Variants in RGS7 observed in about 807,000 individuals in gnomAD.
The protein encoded by RGS7 is regulator of G-protein signaling 7.
A neutral mutation model predicts 81.1 loss-of-function variants in RGS7; 27 were observed. The ratio of observed to expected loss-of-function variants is 0.33; its 90% confidence interval spans 0.25 to 0.46. The LOEUF is 0.46. Ranked by LOEUF, RGS7 falls within the 20% of genes least tolerant of loss-of-function variation. The pLI, the probability that RGS7 is intolerant of heterozygous loss-of-function variation, is 1.00. For synonymous variants in RGS7, 208 were observed against 207.7 expected, an observed-to-expected ratio of 1.00 and a Z score of -0.01; for missense variants, 396 against 607.4, an observed-to-expected ratio of 0.65 and a Z score of 3.66.
intron 2 of RGS7, among the ~76,000 whole-genome samples, chr1:241,194,397 T>C (rs955193186): frequency 1.3e-5 from 2 of 152,186 alleles, no homozygotes; most frequent in Non-Finnish European, 2.9e-5. Flanking sequence ...TTATGAAGCC[T>C]AACAACTGGT....
intron 2 of RGS7, among the ~76,000 whole-genome samples, chr1:241,122,695 T>G (rs1322781887): frequency 1.3e-5 from 2 of 150,830 alleles, no homozygotes; most frequent in African/African-American, 4.9e-5. Flanking sequence ...ACACCTAACC[T>G]ACCGAACATC....
intron 2 of RGS7, among the ~76,000 whole-genome samples, chr1:241,196,991 T>TAAAA (rs34557484): frequency 1.5e-5 from 2 of 132,590 alleles, no homozygotes; most frequent in African/African-American, 2.9e-5. Flanking sequence ...CAAAAGAATG[T>TAAAA]AAAAAAAAAA....
intron 9 of RGS7, among the ~76,000 whole-genome samples, chr1:240,846,237 A>G (rs1196889325): frequency 6.6e-6 from 1 of 152,164 alleles, no homozygotes; most frequent in Non-Finnish European, 1.5e-5. Context: ...CATAAAAAGT[A>G]CTTTCATGTT....
intron 9 of RGS7, among the ~76,000 whole-genome samples, chr1:240,850,056 T>C (rs1050573461): frequency 5.3e-5 from 8 of 152,262 alleles, no homozygotes; most frequent in African/African-American, 1.9e-4. Context: ...TTAGTACTTG[T>C]GGAACTTTGC....
chr1:240,810,049 T>G (rs1052172765), intron 14 of RGS7, among the ~76,000 whole-genome samples: 1 of 152,154 alleles, frequency 6.6e-6, no homozygotes. Context: ...ATCCTCTTTT[T>G]CCAAAGGCAT....
chr1:241,344,612 T>C (rs2082771914), intron 2 of RGS7, among the ~76,000 whole-genome samples: 1 of 152,260 alleles, frequency 6.6e-6, no homozygotes, highest in Non-Finnish European at 1.5e-5. Flanking sequence ...AACAAGTACA[T>C]TTCTTGAATT....
rs1663781852 is a variant in RGS7 at position 240,868,152 on chromosome 1, A to AAGAAAAAAAGAAAGAAAGAAAGAAAG, written c.609+434_609+435insCTTTCTTTCTTTCTTTCTTTTTTTCT. Reference sequence around the variant, plus strand: ...AAAGAAAGAAAGAAAGAAAGAAAGAAAGAAAGGACGGAGGGAGGGAAGGAC... The same window carrying AAGAAAAAAAGAAAGAAAGAAAGAAAG: ...AAAGAAAGAAAGAAAGAAAGAAAGAAAGAAAAAAAGAAAGAAAGAAAGAAAGAGAAAGGACGGAGGGAGGGAAGGAC... On this transcript the variant is annotated intron_variant, in intron 9 of 18. Transcript: ENST00000440928. This position sits in a 1 kb window ranked among gnomAD's most constrained non-coding sequence, Gnocchi z 5.1. Among the ~76,000 whole-genome samples, 5 of 94,420 alleles carry AAGAAAAAAAGAAAGAAAGAAAGAAAG rather than the reference A, an allele frequency of 5.3e-5. No homozygotes were observed. Among genetic ancestry groups the AAGAAAAAAAGAAAGAAAGAAAGAAAG allele is most frequent in the African/African-American group, 2.0e-4 (5 of 24,786 alleles). 61.9% of individuals were successfully genotyped at this position (94,420 alleles called of 152,430 possible).
chr1:241,159,913 G>A (rs2069487286), intron 2 of RGS7, among the ~76,000 whole-genome samples: 1 of 151,884 alleles, frequency 6.6e-6, no homozygotes, highest in Non-Finnish European at 1.5e-5. Context: ...ATTTCATCAT[G>A]CGTTTGGTAG....
At chr1:240,873,837 G>A (rs1327503283) in intron 6 of RGS7, among the ~76,000 whole-genome samples, 2 of 151,958 alleles carry the variant, frequency 1.3e-5, no homozygotes, top group Non-Finnish European at 2.9e-5. Flanking sequence ...TTACAACCCA[G>A]GTAATGCAAA....
chr1:241,203,963 A>G (rs2073702022), intron 2 of RGS7, among the ~76,000 whole-genome samples: 1 of 152,230 alleles, frequency 6.6e-6, no homozygotes. Context: ...CCGAAATGAT[A>G]ACCTGAAGGT....
intron 4 of RGS7, among the ~76,000 whole-genome samples, chr1:240,971,776 A>AT (rs1558540986): frequency 6.6e-6 from 1 of 152,176 alleles, no homozygotes. Context: ...ATGTTTTTAT[A>AT]TAGTGGTCTA....
chr1:241,280,724 C>A (rs954239807), intron 2 of RGS7, among the ~76,000 whole-genome samples: 4 of 152,208 alleles, frequency 2.6e-5, no homozygotes, highest in African/African-American at 4.8e-5. Context: ...TGGTCTGGAA[C>A]TCCTGGGCTC....
At chr1:241,104,853 T>C (rs893485983) in intron 2 of RGS7, among the ~76,000 whole-genome samples, 3 of 152,238 alleles carry the variant, frequency 2.0e-5, no homozygotes, top group African/African-American at 4.8e-5. Context: ...GCATTGTTAA[T>C]ATATAAAGTG....
At chr1:241,137,342 T>C (rs1215855958) in intron 2 of RGS7, among the ~76,000 whole-genome samples, 1 of 152,194 alleles carries the variant, frequency 6.6e-6, no homozygotes, top group Non-Finnish European at 1.5e-5. Flanking sequence ...TGAATTATAA[T>C]TATGAATTAT....
At chr1:241,259,667 A>AAAAAAAAAAAAAAAAAAAATATAT in intron 2 of RGS7, among the ~76,000 whole-genome samples, 2 of 49,146 alleles carry the variant, frequency 4.1e-5, no homozygotes, top group Admixed American at 3.8e-4. Context: ...AAAAAAAAAA[A>AAAAAAAAAAAAAAAAAAAATATAT]ATATATATAT....
chr1:241,220,998 A>G (rs866270508), intron 2 of RGS7, among the ~76,000 whole-genome samples: 41 of 57,598 alleles, frequency 7.1e-4, no homozygotes, highest in Middle Eastern at 5.9e-3. Flanking sequence ...AGGAAGGAAG[A>G]GAGAGAGAAA....
At chr1:241,148,377 A>C (rs1572891632) in intron 2 of RGS7, among the ~76,000 whole-genome samples, 1 of 152,168 alleles carries the variant, frequency 6.6e-6, no homozygotes, top group Admixed American at 6.6e-5. Flanking sequence ...CTTCATTTCT[A>C]TATAGCCAGA....
intron 2 of RGS7, among the ~76,000 whole-genome samples, chr1:241,295,334 T>G (rs1341696984): frequency 6.7e-6 from 1 of 148,852 alleles, no homozygotes; most frequent in Non-Finnish European, 1.5e-5. Flanking sequence ...ATGCCTGAAA[T>G]CCCAGCTACT....
chr1:241,099,576 T>C (rs2064564036), intron 2 of RGS7, among the ~76,000 whole-genome samples: 1 of 152,232 alleles, frequency 6.6e-6, no homozygotes, highest in South Asian at 2.1e-4. Flanking sequence ...TCTAAAGGGC[T>C]GTGCTTCACA....
Sources: gnomAD v4.1 joint callset for allele counts (sites outside exome capture counted in the v4.1 genomes callset) on GRCh38, gnomAD v4.1.1 for gene constraint, Gnocchi (gnomAD v3.1) non-coding constraint, MANE v1.5 for transcripts, NCBI Gene and HGNC (gene_info 2026-07-23, HGNC 2026-07-21) for gene names.